The following DENND5B variants were observed in gnomAD, a reference collection of about 807,000 sequenced individuals.
DENND5B encodes DENN domain-containing protein 5B.
DENND5B carries 34 observed loss-of-function variants against 140.6 expected under a neutral mutation model. That is an observed-to-expected ratio of 0.24 (90% confidence interval 0.18 to 0.32). The LOEUF is 0.32. Ranked by LOEUF, DENND5B falls within the 10% of genes least tolerant of loss-of-function variation. DENND5B has a pLI of 1.00. For synonymous variants in DENND5B, 551 were observed against 562.1 expected, an observed-to-expected ratio of 0.98 and a Z score of 0.28; for missense variants, 1,142 against 1,560.2, an observed-to-expected ratio of 0.73 and a Z score of 4.52.
Position 31,424,672 on chromosome 12 carries a change from C to T in DENND5B, c.2254G>A (p.Val752Met). 4 of 1,613,946 alleles carry T rather than the reference C, an allele frequency of 2.5e-6. No homozygotes were observed. The highest frequency in any genetic ancestry group is 3.4e-6 in the Non-Finnish European group (4 of 1,179,868). ...ECRMKTKRML[V>M]EKMGHEAVEL... Reference sequence around the variant, plus strand: ...ACCGCTTCATGTCCCATCTTCTCCACCAACATGCGCTTTGTCTAAGAATAT... The same window carrying T: ...ACCGCTTCATGTCCCATCTTCTCCATCAACATGCGCTTTGTCTAAGAATAT... Residue 752 changes from valine (V) to methionine (M), a missense_variant, in exon 10 of 21, where the codon GTG (valine) becomes ATG (methionine). By Grantham distance (21) the Val-to-Met change is conservative. Coordinates refer to ENST00000389082, the MANE Select transcript of DENND5B (RefSeq NM_144973.4).
intron 1 of DENND5B, among the ~76,000 whole-genome samples, chr12:31,507,049 A>G (rs1320125173): frequency 6.6e-6 from 1 of 152,204 alleles, no homozygotes; most frequent in African/African-American, 2.4e-5. Context: ...GTCCTTCCAG[A>G]GACAGCGCCT....
intron 1 of DENND5B, among the ~76,000 whole-genome samples, chr12:31,574,149 G>A (rs1592077666): frequency 6.6e-6 from 1 of 151,360 alleles, no homozygotes; most frequent in South Asian, 2.1e-4. Flanking sequence ...TGTGGTCCCA[G>A]CTACTCGGAA....
chr12:31,531,038 G>T (rs961862324), intron 1 of DENND5B, among the ~76,000 whole-genome samples: 1 of 152,170 alleles, frequency 6.6e-6, no homozygotes, highest in Non-Finnish European at 1.5e-5. Context: ...AGTTCATTAT[G>T]CAGTGTTCAA....
In DENND5B at chr12:31,385,404, C is replaced by T. The variant is rs1036634580; in HGVS notation, c.*2199G>A. 5.9e-5 allele frequency: 9 copies of T among 152,160 alleles called. No homozygotes were observed. The highest frequency in any genetic ancestry group is 5.2e-4 in the Admixed American group (8 of 15,280). The allele number at this position is 152,160 out of a possible 1,614,324, so 9.4% of individuals were successfully genotyped here. A position where few individuals can be genotyped will look rare whatever the true frequency, so the allele number is the denominator to read the frequency against. ...AGTAAGAAGGCTGGATGAGGTGTGT[C>T]AATCCTAGCACATTAACCTAAGTCA... is the stretch of plus-strand genomic sequence containing the variant. On this transcript the variant is annotated 3_prime_UTR_variant, in exon 21 of 21. Transcript: ENST00000389082.
chr12:31,478,664 G>T (rs1442468440), intron 3 of DENND5B, among the ~76,000 whole-genome samples: 2 of 151,800 alleles, frequency 1.3e-5, no homozygotes, highest in East Asian at 3.9e-4. Flanking sequence ...TTGCACTACT[G>T]CACTCCAGCC....
intron 1 of DENND5B, among the ~76,000 whole-genome samples, chr12:31,564,371 G>A (rs1949563919): frequency 6.6e-6 from 1 of 152,004 alleles, no homozygotes; most frequent in African/African-American, 2.4e-5. Context: ...AAGAGTATGT[G>A]AGGATCTAGT....
At chr12:31,522,612 T>G (rs58821190) in intron 1 of DENND5B, among the ~76,000 whole-genome samples, 22,604 of 152,056 alleles carry the variant, frequency 0.15, 1,882 homozygotes, top group East Asian at 0.25. Flanking sequence ...GCCCGGCTAA[T>G]TTTGTATTTT....
At chr12:31,460,090 C>T in intron 4 of DENND5B, 104 bp downstream of exon 4, 1 of 1,167,196 alleles carries the variant, frequency 8.6e-7, no homozygotes, top group Non-Finnish European at 1.2e-6. Flanking sequence ...TTAGGAGAGT[C>T]AAAGAGACAG....
chr12:31,505,601 G>A (rs1947168085), intron 1 of DENND5B, among the ~76,000 whole-genome samples: 1 of 151,998 alleles, frequency 6.6e-6, no homozygotes, highest in South Asian at 2.1e-4. Context: ...ATCCTACTAA[G>A]CTATTTATGA....
At chr12:31,569,059 CCTTTT>C (rs1378850289) in intron 1 of DENND5B, among the ~76,000 whole-genome samples, 3 of 117,464 alleles carry the variant, frequency 2.6e-5, no homozygotes, top group East Asian at 4.0e-4. Flanking sequence ...CAGCAACATA[CCTTTT>C]TTTTTTTTTT....
chr12:31,582,788 G>T (rs1250477452), intron 1 of DENND5B, among the ~76,000 whole-genome samples: 1 of 152,154 alleles, frequency 6.6e-6, no homozygotes, highest in East Asian at 1.9e-4. Flanking sequence ...TGACGATAAG[G>T]TTACCCATTT....
rs891604606 is a variant in DENND5B at position 31,514,554 on chromosome 12, G to A, written c.128-18635C>T. ...TTTAAGGCTGGGCATAGTGGCTCAC[G>A]CCTGTAATCACAACACTGTGGGAGG... On this transcript the variant is annotated intron_variant, in intron 1 of 20. Transcript: ENST00000389082. Among the ~76,000 whole-genome samples the A allele has an allele frequency of 3.9e-5, 6 of 152,148 alleles. No individual in the cohort carries two copies. The East Asian group carries it at 9.6e-4, about 24-fold the overall frequency.
Position 31,590,908 on chromosome 12 carries a change from C to T in DENND5B, c.-76G>A. Reference sequence around the variant, plus strand: ...TCTGCGGAGGCTGCCACCACCGCTCCGGCTGTGGTCTGTGCGCCCGCCCTA... The same window carrying T: ...TCTGCGGAGGCTGCCACCACCGCTCTGGCTGTGGTCTGTGCGCCCGCCCTA... On this transcript the variant is annotated 5_prime_UTR_variant, in exon 1 of 21. Coordinates refer to ENST00000389082, the MANE Select transcript of DENND5B (RefSeq NM_144973.4). The T allele has an allele frequency of 1.7e-6, 2 of 1,157,238 alleles. No homozygotes were observed. The highest frequency in any genetic ancestry group is 4.2e-5 in the South Asian group (1 of 23,842). 71.7% of individuals were successfully genotyped at this position (1,157,238 alleles called of 1,614,324 possible).
At position 31,421,465 on chromosome 12, in the gene DENND5B, T is replaced by TA. The variant is rs1218559408; in HGVS notation, c.2470+2131dup. On this transcript the variant is annotated intron_variant, in intron 11 of 20. Transcript: ENST00000389082. ...GGTGGAAAACCAGATTTTAAAAACT[T>TA]AATTTTTGCATAATTACAACTTATT... Among the ~76,000 whole-genome samples, 15 of 152,380 alleles carry TA rather than the reference T, an allele frequency of 9.8e-5. No homozygotes were observed. In the East Asian group the frequency reaches 2.7e-3, roughly 27 times the overall value.
chr12:31,581,445 T>A (rs1294189033), intron 1 of DENND5B, among the ~76,000 whole-genome samples: 1 of 152,076 alleles, frequency 6.6e-6, no homozygotes, highest in Admixed American at 6.6e-5. Context: ...TCCTAGCACT[T>A]TGGGAGGCCG....
At chr12:31,444,428 G>C (rs1385780563) in intron 6 of DENND5B, among the ~76,000 whole-genome samples, 1 of 152,110 alleles carries the variant, frequency 6.6e-6, no homozygotes, top group Non-Finnish European at 1.5e-5. Flanking sequence ...ATTTTTAGTA[G>C]AGATGGGGTT....
intron 1 of DENND5B, among the ~76,000 whole-genome samples, chr12:31,512,929 T>C (rs763501819): frequency 6.6e-6 from 1 of 152,228 alleles, no homozygotes; most frequent in Non-Finnish European, 1.5e-5. Context: ...AGCGAAAGTC[T>C]AAACTTTATC....
At chr12:31,401,725 G>A (rs1941805744) in intron 15 of DENND5B, among the ~76,000 whole-genome samples, 1 of 152,016 alleles carries the variant, frequency 6.6e-6, no homozygotes. Context: ...CTGTCTCCTG[G>A]GCTCAAGTGA....
At chr12:31,495,396 T>TTTTTTTTTTTG (rs1565636797) in intron 2 of DENND5B, among the ~76,000 whole-genome samples, 1 of 150,234 alleles carries the variant, frequency 6.7e-6, no homozygotes, top group Non-Finnish European at 1.5e-5. Context: ...TTTCTTTTTT[T>TTTTTTTTTTTG]GAGACAGAGT....
Sources: gnomAD v4.1 joint callset for allele counts (sites outside exome capture counted in the v4.1 genomes callset) on GRCh38, gnomAD v4.1.1 for gene constraint, MANE v1.5 for transcripts, NCBI Gene and HGNC (gene_info 2026-07-23, HGNC 2026-07-21) for gene names.